The following GYS2 variants were observed in gnomAD, a reference collection of about 807,000 sequenced individuals.
The protein encoded by GYS2 is glycogen [starch] synthase, liver.
Under a neutral mutation model 85.6 loss-of-function variants are expected in GYS2, and 80 were observed. The ratio of observed to expected loss-of-function variants is 0.93; its 90% CI spans 0.78 to 1.13. The LOEUF (loss-of-function observed/expected upper bound fraction) is 1.13. Among genes scored for constraint, GYS2 ranks in the 50% most tolerant of loss-of-function variants. The pLI, the probability that GYS2 is intolerant of heterozygous loss-of-function variation, is 0.00. For missense variants in GYS2, 881 were observed against 854.9 expected (o/e 1.03, Z -0.38); for synonymous variants, 328 against 300.7 (o/e 1.09, Z -0.94).
intron 1 of GYS2, among the ~76,000 whole-genome samples, chr12:21,587,526 C>T (rs1408706186): frequency 6.6e-6 from 1 of 152,108 alleles, no homozygotes; most frequent in Non-Finnish European, 1.5e-5. Context: ...GGCACTTCTA[C>T]TTGCTGCTGC....
intron 1 of GYS2, among the ~76,000 whole-genome samples, chr12:21,589,758 C>T (rs776753941): frequency 4.6e-5 from 7 of 152,150 alleles, no homozygotes; most frequent in Non-Finnish European, 1.0e-4. Flanking sequence ...TTGAGACTAT[C>T]ATAAGGAACT....
Position 21,537,179 on chromosome 12 carries a change from C to A in GYS2, c.1891-4G>T. 1 of 1,605,336 alleles carries A rather than the reference C, an allele frequency of 6.2e-7. No homozygotes were observed. The highest frequency in any genetic ancestry group is 8.5e-7 in the Non-Finnish European group (1 of 1,172,264). On this transcript the variant is annotated splice_region_variant and splice_polypyrimidine_tract_variant and intron_variant, in intron 15 of 15. Coordinates refer to ENST00000261195, the MANE Select transcript of GYS2 (RefSeq NM_021957.4). ...TGGGATATTTAAATCCTTCTGTCTG[C>A]CAAAGACAAAAATAAGACATAAACA...
chr12:21,537,333 A>G (rs534480638), intron 15 of GYS2, 158 bp from the exon 16 acceptor site: 128 of 665,170 alleles, frequency 1.9e-4, no homozygotes, highest in Non-Finnish European at 2.7e-4. Flanking sequence ...GATACCACCA[A>G]TCTCAAGAGG....
At chr12:21,597,624 A>G (rs1409675293) in intron 1 of GYS2, among the ~76,000 whole-genome samples, 3 of 152,186 alleles carry the variant, frequency 2.0e-5, no homozygotes, top group Non-Finnish European at 2.9e-5. Context: ...TATAGCCACT[A>G]TGGAAAACAA....
chr12:21,557,848 G>C (rs955447559), intron 11 of GYS2, among the ~76,000 whole-genome samples: 1 of 152,106 alleles, frequency 6.6e-6, no homozygotes. Context: ...GCAGTGAGCC[G>C]AGATAGCGCC....
chr12:21,558,184 G>C lies in GYS2; in HGVS notation c.1422+16C>G. On this transcript the variant is annotated intron_variant, in intron 11 of 15. Transcript: ENST00000261195. ...TAAGTAAGTTTAAAGTTCGCCACAT[G>C]AACAATTTGTTCTACCTTGACTCTA... is the stretch of plus-strand genomic sequence containing the variant. 1 of 1,446,534 alleles carries C rather than the reference G, an allele frequency of 6.9e-7. No individual in the cohort carries two copies. The highest frequency in any genetic ancestry group is 1.1e-5 in the South Asian group (1 of 87,590). The allele number at this position is 1,446,534 out of a possible 1,614,324, so 89.6% of individuals were successfully genotyped here.
At position 21,542,594 on chromosome 12, in the gene GYS2, G is replaced by T. The variant is rs756746792; in HGVS notation, c.1550-3C>A. The T allele has an allele frequency of 1.9e-5, 31 of 1,606,280 alleles. No individual in the cohort carries two copies. The highest frequency in any genetic ancestry group is 2.6e-5 in the Non-Finnish European group (31 of 1,173,048). ...GATACCCATCACAGTGCATTCAGCTGCCAGGGGAAATAGACCAAAGCTTGG... is the reference window on the plus strand; with the variant it reads ...GATACCCATCACAGTGCATTCAGCTTCCAGGGGAAATAGACCAAAGCTTGG... On this transcript the variant is annotated splice_polypyrimidine_tract_variant and splice_region_variant and intron_variant, in intron 12 of 15. Transcript: ENST00000261195.
At chr12:21,588,418 C>G (rs149316228) in intron 1 of GYS2, among the ~76,000 whole-genome samples, 1 of 152,038 alleles carries the variant, frequency 6.6e-6, no homozygotes, top group Non-Finnish European at 1.5e-5. Flanking sequence ...CTTTGAAAGG[C>G]GAGACACAAA....
chr12:21,580,634 C>T lies in GYS2; in HGVS notation c.122-111G>A, dbSNP rs141886065. 1.6e-4 allele frequency: 133 copies of T among 822,414 alleles called. 1 individual carries two copies. The African/African-American group carries it at 2.1e-3, about 13-fold the overall frequency. The allele number at this position is 822,414 out of a possible 1,614,324, so 50.9% of individuals were successfully genotyped here. A position where few individuals can be genotyped will look rare whatever the true frequency, so the allele number is the denominator to read the frequency against. On this transcript the variant is annotated intron_variant, in intron 1 of 15. Coordinates refer to ENST00000261195, the MANE Select transcript of GYS2 (RefSeq NM_021957.4). The stretch of plus-strand genomic sequence containing the variant: ...AAATTAGCATTTAGGATCCACTAAG[C>T]CCAAGGATTTATTTACCTTTCAAAA...
At chr12:21,565,526 A>G (rs1303064656) in intron 5 of GYS2, among the ~76,000 whole-genome samples, 17 of 148,450 alleles carry the variant, frequency 1.1e-4, no homozygotes. Context: ...CTGCACTACT[A>G]TATACAAATA....
intron 10 of GYS2, 149 bp downstream of exon 10, chr12:21,558,942 A>G (rs1944217309): frequency 3.8e-6 from 2 of 528,218 alleles, no homozygotes; most frequent in Non-Finnish European, 6.8e-6. Flanking sequence ...AAAAATGTCC[A>G]AAGTAATCAT....
intron 4 of GYS2, 99 bp downstream of exon 4, chr12:21,574,045 A>T: frequency 1.0e-6 from 1 of 957,596 alleles, no homozygotes; most frequent in Non-Finnish European, 1.7e-6. Context: ...CATTTCTGCC[A>T]TCTGGTTGGC....
chr12:21,544,435 G>C (rs1022241478), intron 12 of GYS2, among the ~76,000 whole-genome samples: 2 of 152,176 alleles, frequency 1.3e-5, no homozygotes, highest in Non-Finnish European at 2.9e-5. Flanking sequence ...TGGACAGTCA[G>C]CTGTTAGTTC....
At chr12:21,601,159 A>G (rs1212133577) in intron 1 of GYS2, among the ~76,000 whole-genome samples, 2 of 152,144 alleles carry the variant, frequency 1.3e-5, no homozygotes, top group Non-Finnish European at 2.9e-5. Flanking sequence ...AAATGATTGT[A>G]GTAAGACCTG....
rs753578280 is a variant in GYS2, at chr12:21,574,197, G to T, written c.625C>A (p.Leu209Ile). The change falls in exon 4 of 16, where the codon CTT (leucine) becomes ATT (isoleucine). Residue 209 changes from leucine (L) to isoleucine (I), a missense_variant. By Grantham distance (5) the Leu-to-Ile change is conservative. Coordinates refer to ENST00000261195, the MANE Select transcript of GYS2 (RefSeq NM_021957.4). ...TTTGCTGCACAGAGATACCTCCCAA[G>T]TAGTGTAGCGTGGGTTGTAAATATT... ...ATIFTTHATL[L>I]GRYLCAANID... 6.2e-7 allele frequency: 1 copy of T among 1,613,252 alleles called. No homozygotes were observed.
intron 11 of GYS2, among the ~76,000 whole-genome samples, chr12:21,550,003 T>C (rs758181954): frequency 1.1e-4 from 16 of 152,180 alleles, no homozygotes; most frequent in Non-Finnish European, 2.2e-4. Flanking sequence ...TGCATCCTAA[T>C]TCCTTACTAT....
chr12:21,580,813 A>C (rs996416150), intron 1 of GYS2, among the ~76,000 whole-genome samples: 2 of 152,248 alleles, frequency 1.3e-5, no homozygotes, highest in Non-Finnish European at 2.9e-5. Flanking sequence ...AAAGAGTCTG[A>C]AAAGACAATT....
Position 21,575,922 on chromosome 12 carries a change from G to A in GYS2, c.439C>T (p.Arg147Ter), listed in dbSNP as rs748996941. The change falls in exon 3 of 16, where the codon CGA becomes TGA. Residue 147 changes from arginine to a stop codon, truncating the protein, a stop_gained. Coordinates refer to ENST00000261195, the MANE Select transcript of GYS2 (RefSeq NM_021957.4). LOFTEE classifies it high-confidence loss of function. The part of the protein sequence containing the change: ...ACSVGIPYHD[R>*]EANDMLIFGS... ...AATATCAGCATATCATTGGCTTCTC[G>A]GTCATGATAAGGAATGCCGACACTG... 2.0e-5 allele frequency: 32 copies of A among 1,613,698 alleles called. No individual in the cohort carries two copies. The highest frequency in any genetic ancestry group is 2.7e-5 in the Non-Finnish European group (32 of 1,179,838).
intron 11 of GYS2, among the ~76,000 whole-genome samples, chr12:21,549,669 T>C (rs748695623): frequency 6.6e-6 from 1 of 152,232 alleles, no homozygotes; most frequent in Non-Finnish European, 1.5e-5. Flanking sequence ...TGTCCCTCAA[T>C]GCGGGTTTGT....
Sources: allele counts gnomAD v4.1 joint callset (sites outside exome capture counted in the v4.1 genomes callset), GRCh38; gene constraint gnomAD v4.1.1; transcripts MANE v1.5; gene names NCBI Gene and HGNC (gene_info 2026-07-23, HGNC 2026-07-21).